The following NFATC3 variants were observed in gnomAD, a reference collection of about 807,000 sequenced individuals.
The protein encoded by NFATC3 is nuclear factor of activated T cells 3, also known as nuclear factor of activated T-cells, cytoplasmic 3.
In NFATC3, 46 loss-of-function variants were observed where a neutral mutation model predicts 98.6. That is an observed-to-expected ratio of 0.47 (90% confidence interval 0.37 to 0.60). The LOEUF (loss-of-function observed/expected upper bound fraction) is 0.60, where lower values mean the gene tolerates loss of function less well. Ranked by LOEUF, NFATC3 falls within the 20% of genes least tolerant of loss-of-function variation. The pLI is 0.00. For missense variants in NFATC3, 1,256 were observed against 1,295.5 expected, an observed-to-expected ratio of 0.97 and a Z score of 0.47; for synonymous variants, 512 against 472.2, an observed-to-expected ratio of 1.08 and a Z score of -1.09.
rs1419531672 is a variant in NFATC3, at chr16:68,085,745, G to T, written c.64G>T (p.Gly22Trp). The T allele has an allele frequency of 6.6e-7, 1 of 1,505,478 alleles. No homozygotes were observed. The highest frequency in any genetic ancestry group is 2.8e-5 in the East Asian group (1 of 35,886). The allele number at this position is 1,505,478 out of a possible 1,614,324, so 93.3% of individuals were successfully genotyped here. Reference protein sequence around the residue: ...LDFKLVFGEDGAPAPPPPGSR... With the variant: ...LDFKLVFGEDWAPAPPPPGSR... ...CTTCAAACTCGTCTTTGGCGAGGAC[G>T]GGGCGCCGGCGCCGCCGCCCCCGGG... Residue 22 changes from glycine to tryptophan, a missense_variant, in exon 1 of 10, where the codon GGG becomes TGG. Physicochemically the swap from Gly to Trp is radical, Grantham distance 184. Coordinates refer to ENST00000346183, the MANE Select transcript of NFATC3 (RefSeq NM_173165.3).
intron 3 of NFATC3, among the ~76,000 whole-genome samples, chr16:68,150,122 A>G (rs1187286966): frequency 6.6e-6 from 1 of 152,204 alleles, no homozygotes; most frequent in Non-Finnish European, 1.5e-5. Flanking sequence ...AAACATTATT[A>G]TAAACCTTTG....
In NFATC3 at chr16:68,098,305, T is replaced by A. The variant is rs534087110; in HGVS notation, c.103+12521T>A. Among the ~76,000 whole-genome samples the A allele has an allele frequency of 8.2e-3, 995 of 120,676 alleles. 13 individuals carry two copies. The highest frequency in any genetic ancestry group is 0.027 in the African/African-American group (845 of 31,576). The allele number at this position is 120,676 out of a possible 152,430, so 79.2% of individuals were successfully genotyped here. On this transcript the variant is annotated intron_variant, in intron 1 of 9. Coordinates refer to ENST00000346183, the MANE Select transcript of NFATC3 (RefSeq NM_173165.3). ...TTATTATTATTATTATTATTATTTTTTTTTTTTTTTTTTTAGATGGAGTCT... is the reference window on the plus strand; with the variant it reads ...TTATTATTATTATTATTATTATTTTATTTTTTTTTTTTTTAGATGGAGTCT...
rs1253964701 is a variant in NFATC3 at position 68,228,992 on chromosome 16, G to A, written c.*2521G>A. ...GACCTCTTCTGGGCCTGGCTGTGAA[G>A]CCCTGTTTTTGGTATTCAGAATGGA... On this transcript the variant is annotated 3_prime_UTR_variant, in exon 10 of 10. Transcript: ENST00000346183. 2 of 152,246 alleles carry A rather than the reference G, an allele frequency of 1.3e-5. No individual in the cohort carries two copies. Among genetic ancestry groups the A allele is most frequent in the Admixed American group, 1.3e-4 (2 of 15,284 alleles). 9.4% of individuals were successfully genotyped at this position (152,246 alleles called of 1,614,324 possible).
At chr16:68,221,583 TAGAG>T (rs1051926269) in intron 9 of NFATC3, 18 of 1,098,340 alleles carry the variant, frequency 1.6e-5, no homozygotes, top group African/African-American at 1.5e-4. Context: ...GAAAACAAGA[TAGAG>T]AAAGTCTGCC....
intron 5 of NFATC3, among the ~76,000 whole-genome samples, chr16:68,169,646 T>A (rs375523533): frequency 3.3e-5 from 5 of 151,660 alleles, no homozygotes; most frequent in African/African-American, 7.3e-5. Flanking sequence ...TTTCTTTTTT[T>A]AAAAATAAAA....
chr16:68,226,672 GGGGAAAT>G lies in NFATC3; in HGVS notation c.*203_*209del. On this transcript the variant is annotated 3_prime_UTR_variant, in exon 10 of 10. Coordinates refer to ENST00000346183, the MANE Select transcript of NFATC3 (RefSeq NM_173165.3). ...GAGCAGCATAGGCTGTTTGAGCTTTGGGGAAATGAACTTTGCTTTTTATATTTAACTA... is the reference window on the plus strand; with the variant it reads ...GAGCAGCATAGGCTGTTTGAGCTTTGGAACTTTGCTTTTTATATTTAACTA... 2.2e-6 allele frequency: 1 copy of G among 455,692 alleles called. No homozygotes were observed. The highest frequency in any genetic ancestry group is 7.0e-5 in the South Asian group (1 of 14,248). The allele number at this position is 455,692 out of a possible 1,614,324, so 28.2% of individuals were successfully genotyped here. A position where few individuals can be genotyped will look rare whatever the true frequency, so the allele number is the denominator to read the frequency against.
chr16:68,196,702 G>GA lies in NFATC3; in HGVS notation c.3106+4936dup, dbSNP rs892415823. On this transcript the variant is annotated intron_variant, in intron 9 of 9. Transcript: ENST00000346183. ...GAGTGAGAGACTCCATCTCAAAAAA[G>GA]AAAAAAAAACAACTTTTAATGTAAA... Among the ~76,000 whole-genome samples the GA allele has an allele frequency of 4.0e-4, 59 of 147,086 alleles. 2 individuals are homozygous for GA. In the East Asian group the frequency reaches 5.5e-3, roughly 14 times the overall value.
intron 9 of NFATC3, chr16:68,199,977 C>A (rs562409747): frequency 6.6e-6 from 1 of 152,198 alleles, no homozygotes; most frequent in Non-Finnish European, 1.5e-5. Context: ...TGTGTCTCTT[C>A]CCTAGCTTCT....
intron 2 of NFATC3, 47 bp from the exon 3 acceptor site, chr16:68,126,401 G>A: frequency 6.5e-7 from 1 of 1,549,082 alleles, no homozygotes; most frequent in South Asian, 1.2e-5. Context: ...ATCATTGCTT[G>A]GCAATAATAG....
chr16:68,154,272 A>G (rs1037961954), intron 3 of NFATC3, among the ~76,000 whole-genome samples: 5 of 152,208 alleles, frequency 3.3e-5, no homozygotes, highest in South Asian at 2.1e-4. Flanking sequence ...TGAAGCTCAG[A>G]TCTGACTTAT....
intron 1 of NFATC3, among the ~76,000 whole-genome samples, chr16:68,087,502 A>G (rs1283886082): frequency 1.3e-5 from 2 of 152,350 alleles, no homozygotes; most frequent in East Asian, 3.9e-4. Context: ...TTTGTCACAT[A>G]AAGTCCACTT....
intron 9 of NFATC3, chr16:68,212,662 T>C (rs2041456513): frequency 2.0e-5 from 3 of 152,180 alleles, no homozygotes; most frequent in African/African-American, 7.2e-5. Flanking sequence ...AAGGATTATG[T>C]TGTGACCCAG....
chr16:68,110,378 G>A (rs139620339), intron 1 of NFATC3, among the ~76,000 whole-genome samples: 219 of 147,642 alleles, frequency 1.5e-3, no homozygotes, highest in Non-Finnish European at 2.5e-3. Context: ...GCCCAATCTC[G>A]GCTCACTGTA....
At chr16:68,102,566 C>T (rs1170247227) in intron 1 of NFATC3, among the ~76,000 whole-genome samples, 1 of 151,924 alleles carries the variant, frequency 6.6e-6, no homozygotes, top group Non-Finnish European at 1.5e-5. Context: ...TCATGTGTAA[C>T]CTGTTACCCT....
chr16:68,157,612 G>A (rs1025061659), intron 3 of NFATC3, among the ~76,000 whole-genome samples: 2 of 151,918 alleles, frequency 1.3e-5, no homozygotes, highest in Admixed American at 6.6e-5. Context: ...TACAGTTTTG[G>A]TCGATCTAGA....
At position 68,117,159 on chromosome 16, in the gene NFATC3, G is replaced by T. The variant is rs573663912; in HGVS notation, c.104-4828G>T. Reference sequence around the variant, plus strand: ...AGTTAAACACATGAGCTTTTATGCTGTATATTTTGAGTGTTCAGAGGCTTG... The same window carrying T: ...AGTTAAACACATGAGCTTTTATGCTTTATATTTTGAGTGTTCAGAGGCTTG... On this transcript the variant is annotated intron_variant, in intron 1 of 9. Transcript: ENST00000346183. Among the ~76,000 whole-genome samples the T allele has an allele frequency of 2.0e-5, 3 of 152,288 alleles. No individual in the cohort carries two copies. In the East Asian group the frequency reaches 5.8e-4, roughly 29 times the overall value.
chr16:68,179,924 A>C (rs1222787584), intron 6 of NFATC3, among the ~76,000 whole-genome samples: 1 of 152,212 alleles, frequency 6.6e-6, no homozygotes, highest in Non-Finnish European at 1.5e-5. Context: ...TGGCAGTAGG[A>C]AATGTATAGA....
chr16:68,155,876 A>T (rs1457385261), intron 3 of NFATC3, among the ~76,000 whole-genome samples: 1 of 152,208 alleles, frequency 6.6e-6, no homozygotes, highest in Admixed American at 6.5e-5. Flanking sequence ...ATGGTAGCAG[A>T]CTGAGAGAAG....
At chr16:68,147,755 G>GAAAA in intron 3 of NFATC3, among the ~76,000 whole-genome samples, 1 of 87,766 alleles carries the variant, frequency 1.1e-5, no homozygotes, top group Non-Finnish European at 2.4e-5. Flanking sequence ...TCTGTGAACT[G>GAAAA]AAAAAAAAAA....
Sources: allele counts gnomAD v4.1 joint callset (sites outside exome capture counted in the v4.1 genomes callset), GRCh38; gene constraint gnomAD v4.1.1; transcripts MANE v1.5; gene names NCBI Gene and HGNC (gene_info 2026-07-23, HGNC 2026-07-21).